RBM34: variants seen among roughly 807,000 people sequenced by gnomAD.
RBM34 encodes RNA binding motif protein 34, also known as RNA-binding protein 34.
Under a neutral mutation model 44.6 loss-of-function variants are expected in RBM34, and 39 were observed. The observed-to-expected ratio is 0.87, with a 90% CI of 0.68 to 1.14. The LOEUF is 1.14. Ranked by LOEUF, RBM34 falls within the 50% of genes most tolerant of loss-of-function variation. RBM34 has a pLI of 0.00. For missense variants in RBM34, 572 were observed against 517.9 expected (o/e 1.10, Z -1.01); for synonymous variants, 194 against 184.0 (o/e 1.05, Z -0.44).
chr1:235,160,199 C>G (rs527935636), intron 3 of RBM34: 6 of 479,800 alleles, frequency 1.3e-5, no homozygotes, highest in East Asian at 5.8e-5. Context: ...TTGCAGTGAG[C>G]TGAGATCACT....
At chr1:235,157,779 G>C (rs1157032074) in intron 3 of RBM34, among the ~76,000 whole-genome samples, 1 of 152,188 alleles carries the variant, frequency 6.6e-6, no homozygotes, top group East Asian at 1.9e-4. Flanking sequence ...AACAAGAAAA[G>C]CAGCCACGTG....
At chr1:235,135,577 A>C in intron 10 of RBM34, 75 bp downstream of exon 10, 1 of 1,225,158 alleles carries the variant, frequency 8.2e-7, no homozygotes, top group Non-Finnish European at 1.2e-6. Flanking sequence ...GTTATGTCTC[A>C]ATGATGACAT....
chr1:235,131,932 T>C lies in RBM34; in HGVS notation c.1074A>G (p.Arg358=), dbSNP rs1366829182. Residue 358 remains arginine, a synonymous_variant, in exon 11 of 11, where the codon AGA becomes AGG. Coordinates refer to ENST00000408888, the MANE Select transcript of RBM34 (RefSeq NM_015014.4). ...NNSELMGRKL[R]VMRSVNKEKF... ...TTTCTTTATTAACAGAACGCATGAC[T>C]CTGAGTTTTCTCCCCATGAGTTCAG... 3 of 1,612,218 alleles carry C rather than the reference T, an allele frequency of 1.9e-6. No homozygotes were observed. The African/African-American group carries it at 4.0e-5, about 22-fold the overall frequency.
chr1:235,160,446 C>A (rs921367817), intron 3 of RBM34, 65 bp downstream of exon 3: 16 of 1,513,508 alleles, frequency 1.1e-5, no homozygotes, highest in Non-Finnish European at 1.5e-5. Context: ...GACGAATATT[C>A]CAAGTATAGG....
At chr1:235,149,228 A>G (rs921706103) in intron 5 of RBM34, among the ~76,000 whole-genome samples, 19 of 151,920 alleles carry the variant, frequency 1.3e-4, no homozygotes, top group Middle Eastern at 6.8e-3. Context: ...CTCTACTAGA[A>G]ATACAAAAAA....
intron 3 of RBM34, among the ~76,000 whole-genome samples, chr1:235,159,897 A>G (rs1231174747): frequency 1.3e-5 from 2 of 152,024 alleles, no homozygotes; most frequent in Non-Finnish European, 2.9e-5. Context: ...CGCAAACCAA[A>G]TTCTTTTATA....
intron 5 of RBM34, among the ~76,000 whole-genome samples, chr1:235,152,039 A>G (rs1199687554): frequency 6.6e-6 from 1 of 152,200 alleles, no homozygotes; most frequent in Non-Finnish European, 1.5e-5. Context: ...TGTCTCAAAA[A>G]AAAAAATAGA....
At chr1:235,158,348 G>A (rs139924634) in intron 3 of RBM34, among the ~76,000 whole-genome samples, 248 of 151,924 alleles carry the variant, frequency 1.6e-3, no homozygotes, top group South Asian at 6.7e-3. Flanking sequence ...ACCCAGAGGC[G>A]GAGGTTGCAG....
chr1:235,152,497 A>G (rs1400550882), intron 5 of RBM34: 1 of 1,288,424 alleles, frequency 7.8e-7, no homozygotes, highest in African/African-American at 1.6e-5. Flanking sequence ...TAGCAAGAGT[A>G]TCATTTTATT....
rs374212362 is a variant in RBM34 at position 235,152,636 on chromosome 1, C to T, written c.657+70G>A. Reference sequence around the variant, plus strand: ...AAGTGCTTCACCATCTCACTAACAGCAATAAGTTCATCTGATTTAAATGCA... The same window carrying T: ...AAGTGCTTCACCATCTCACTAACAGTAATAAGTTCATCTGATTTAAATGCA... On this transcript the variant is annotated intron_variant, in intron 5 of 10. Coordinates refer to ENST00000408888, the MANE Select transcript of RBM34 (RefSeq NM_015014.4). 3.0e-4 allele frequency: 467 copies of T among 1,567,840 alleles called. 4 individuals are homozygous for T. The African/African-American group carries it at 5.6e-3, about 19-fold the overall frequency.
chr1:235,133,665 C>A (rs1014517912), intron 10 of RBM34, among the ~76,000 whole-genome samples: 1 of 152,070 alleles, frequency 6.6e-6, no homozygotes, highest in Non-Finnish European at 1.5e-5. Flanking sequence ...TCAGAGGATT[C>A]AATCAACTGC....
chr1:235,154,229 G>A (rs1017010337), intron 4 of RBM34, among the ~76,000 whole-genome samples: 3 of 148,864 alleles, frequency 2.0e-5, no homozygotes, highest in Admixed American at 6.7e-5. Flanking sequence ...CTGGGCAACA[G>A]AGCGAGACTC....
chr1:235,154,488 C>T (rs1455380766), intron 4 of RBM34, among the ~76,000 whole-genome samples: 1 of 152,074 alleles, frequency 6.6e-6, no homozygotes, highest in African/African-American at 2.4e-5. Context: ...CACTTGAGTC[C>T]AGGAGTTTGA....
intron 3 of RBM34, among the ~76,000 whole-genome samples, chr1:235,159,041 C>T (rs140420521): frequency 0.044 from 6,637 of 150,732 alleles, 522 homozygotes; most frequent in African/African-American, 0.16. Flanking sequence ...GGCAAAATCC[C>T]GTCTCTACAA....
intron 6 of RBM34, among the ~76,000 whole-genome samples, chr1:235,139,326 G>C (rs1227794127): frequency 1.3e-5 from 2 of 152,148 alleles, no homozygotes; most frequent in African/African-American, 4.8e-5. Flanking sequence ...CTTTTGTATT[G>C]ATTAAACCAG....
chr1:235,155,573 C>T (rs969654092), intron 3 of RBM34, among the ~76,000 whole-genome samples: 4 of 146,558 alleles, frequency 2.7e-5, no homozygotes, highest in African/African-American at 7.6e-5. Flanking sequence ...AGTGCAATTT[C>T]GGCTCACTGC....
At chr1:235,141,120 G>A (rs1318046019) in intron 6 of RBM34, among the ~76,000 whole-genome samples, 1 of 150,574 alleles carries the variant, frequency 6.6e-6, no homozygotes, top group African/African-American at 2.5e-5. Flanking sequence ...CTAGCTCAAG[G>A]TTTGTAAACA....
chr1:235,140,978 C>T (rs1661659582), intron 6 of RBM34, among the ~76,000 whole-genome samples: 1 of 151,932 alleles, frequency 6.6e-6, no homozygotes, highest in African/African-American at 2.4e-5. Context: ...ACACACCAAT[C>T]GGCACCCTGT....
At chr1:235,148,612 CT>C (rs1460454350) in intron 5 of RBM34, among the ~76,000 whole-genome samples, 165 bp from the exon 6 acceptor site, 12 of 147,628 alleles carry the variant, frequency 8.1e-5, no homozygotes, top group Non-Finnish European at 1.6e-4. Flanking sequence ...TTTTTTTTTC[CT>C]GTTGAGATGG....
Sources: gnomAD v4.1 joint callset for allele counts (sites outside exome capture counted in the v4.1 genomes callset) on GRCh38, gnomAD v4.1.1 for gene constraint, MANE v1.5 for transcripts, NCBI Gene and HGNC (gene_info 2026-07-23, HGNC 2026-07-21) for gene names.